RELCH: variants seen among roughly 807,000 people sequenced by gnomAD.
The protein encoded by RELCH is RAB11-binding protein RELCH.
RELCH carries 41 observed loss-of-function variants against 150.3 expected under a neutral mutation model. That is an observed-to-expected ratio of 0.27 (90% CI 0.21 to 0.35). RELCH has a LOEUF of 0.35. Among genes scored for constraint, RELCH ranks in the 10% least tolerant of loss-of-function variants. The pLI is 1.00. For missense variants in RELCH, 1,092 were observed against 1,467.8 expected (o/e 0.74, Z 4.18); for synonymous variants, 478 against 531.8 (o/e 0.90, Z 1.39).
chr18:62,298,523 G>A lies in RELCH; in HGVS notation c.3460-267G>A, dbSNP rs374560811. On this transcript the variant is annotated intron_variant, in intron 27 of 28. Coordinates refer to ENST00000644646, the MANE Select transcript of RELCH (RefSeq NM_001346231.2). Reference sequence around the variant, plus strand: ...TTTACTTTTAACATTAGAAGATGGTGAGTAAGCTAAGGGAGAATAGAAAAC... The same window carrying A: ...TTTACTTTTAACATTAGAAGATGGTAAGTAAGCTAAGGGAGAATAGAAAAC... Among the ~76,000 whole-genome samples, 432 of 152,284 alleles carry A rather than the reference G, an allele frequency of 2.8e-3. 3 individuals are homozygous for A. Among genetic ancestry groups the A allele is most frequent in the Non-Finnish European group, 5.3e-3 (359 of 68,024 alleles).
rs2044458409 is a variant in RELCH at position 62,280,547 on chromosome 18, A to C, written c.3051-99A>C. 3.2e-6 allele frequency: 4 copies of C among 1,269,310 alleles called. No individual in the cohort carries two copies. In the East Asian group the frequency reaches 9.3e-5, roughly 30 times the overall value. 78.6% of individuals were successfully genotyped at this position (1,269,310 alleles called of 1,614,324 possible). A position where few individuals can be genotyped will look rare whatever the true frequency, so the allele number is the denominator to read the frequency against. ...ATTTAATTTGTCATTGCTAGAGACT[A>C]ATACAGTATATTTACCTTGTACTTA... On this transcript the variant is annotated intron_variant, in intron 23 of 28. Transcript: ENST00000644646.
chr18:62,224,284 C>A (rs2041074045), intron 5 of RELCH, among the ~76,000 whole-genome samples: 1 of 150,814 alleles, frequency 6.6e-6, no homozygotes, highest in Non-Finnish European at 1.5e-5. Context: ...CATGTCCCTG[C>A]AAAGGACATG....
chr18:62,252,291 A>G (rs1298383288), intron 11 of RELCH, among the ~76,000 whole-genome samples: 1 of 151,176 alleles, frequency 6.6e-6, no homozygotes, highest in Non-Finnish European at 1.5e-5. Context: ...GAGCTACTGC[A>G]CCGGGCCAAA....
At chr18:62,199,141 C>A (rs1464752119) in intron 1 of RELCH, among the ~76,000 whole-genome samples, 1 of 150,684 alleles carries the variant, frequency 6.6e-6, no homozygotes, top group Non-Finnish European at 1.5e-5. Flanking sequence ...CTTGTCCTGT[C>A]TTCCATATTT....
chr18:62,238,138 A>G (rs1387067281), intron 10 of RELCH, among the ~76,000 whole-genome samples: 5 of 151,932 alleles, frequency 3.3e-5, no homozygotes. Flanking sequence ...TAACAGAAAT[A>G]TGTACCTCTT....
chr18:62,299,577 G>C (rs1480636303), intron 28 of RELCH, among the ~76,000 whole-genome samples: 1 of 152,090 alleles, frequency 6.6e-6, no homozygotes, highest in African/African-American at 2.4e-5. Context: ...TCTTTGATGT[G>C]TTAGAACCCT....
intron 2 of RELCH, among the ~76,000 whole-genome samples, chr18:62,219,324 T>C (rs945288998): frequency 1.8e-5 from 2 of 110,328 alleles, no homozygotes; most frequent in East Asian, 4.1e-4. Context: ...TTTCTTTTTT[T>C]CTTTTTTTTT....
chr18:62,261,499 C>A lies in RELCH; in HGVS notation c.2203-12C>A. 6.2e-7 allele frequency: 1 copy of A among 1,609,352 alleles called. No homozygotes were observed. Among genetic ancestry groups the A allele is most frequent in the Non-Finnish European group, 8.5e-7 (1 of 1,177,444 alleles). On this transcript the variant is annotated splice_polypyrimidine_tract_variant and intron_variant, in intron 15 of 28. Coordinates refer to ENST00000644646, the MANE Select transcript of RELCH (RefSeq NM_001346231.2). ...AAAGACTAAAATTAGCTTCCACCTC[C>A]TTATGTTTCAGGAAGGAGAACATGG... is the stretch of plus-strand genomic sequence containing the variant.
intron 28 of RELCH, among the ~76,000 whole-genome samples, chr18:62,299,329 G>C (rs569755053): frequency 1.3e-5 from 2 of 152,288 alleles, no homozygotes; most frequent in East Asian, 1.9e-4. Flanking sequence ...AAGCATAGAC[G>C]TGAAAGAGTA....
intron 1 of RELCH, among the ~76,000 whole-genome samples, chr18:62,204,159 C>T (rs2039633456): frequency 6.6e-6 from 1 of 151,958 alleles, no homozygotes; most frequent in Non-Finnish European, 1.5e-5. Context: ...TTTATCTAGT[C>T]TTCTATGTAC....
Position 62,228,590 on chromosome 18 carries a change from A to G in RELCH, c.1440A>G (p.Lys480=). 6.2e-7 allele frequency: 1 copy of G among 1,607,276 alleles called. No homozygotes were observed. Among genetic ancestry groups the G allele is most frequent in the Non-Finnish European group, 8.5e-7 (1 of 1,176,446 alleles). ...LSSKKTVHFD[K]PNRKLSPAFH... is the part of the protein sequence containing the mutation. ...GTAAAAAGACAGTTCATTTTGATAA[A>G]CCTAATAGGTTAGTATGCATCCTAT... Residue 480 remains lysine, a synonymous_variant, in exon 8 of 29, where the codon AAA becomes AAG. Transcript: ENST00000644646.
intron 18 of RELCH, among the ~76,000 whole-genome samples, chr18:62,265,262 A>C (rs2043492404): frequency 6.6e-6 from 1 of 152,058 alleles, no homozygotes. Flanking sequence ...AACCACAGCA[A>C]CTTATATATA....
At chr18:62,302,333 A>T (rs905236308) in intron 28 of RELCH, among the ~76,000 whole-genome samples, 1 of 152,206 alleles carries the variant, frequency 6.6e-6, no homozygotes, top group African/African-American at 2.4e-5. Context: ...ATGGGTGGTA[A>T]TTAAAGGCTT....
intron 28 of RELCH, among the ~76,000 whole-genome samples, chr18:62,299,681 C>T (rs1730109170): frequency 6.6e-6 from 1 of 152,078 alleles, no homozygotes; most frequent in Non-Finnish European, 1.5e-5. Context: ...TTCACATCTT[C>T]TATATTATTA....
At chr18:62,270,527 T>A (rs1293932924) in intron 20 of RELCH, among the ~76,000 whole-genome samples, 1 of 152,176 alleles carries the variant, frequency 6.6e-6, no homozygotes, top group Non-Finnish European at 1.5e-5. Flanking sequence ...AATGTAAGAA[T>A]GAAGAAGAAA....
intron 1 of RELCH, among the ~76,000 whole-genome samples, chr18:62,204,816 G>C (rs1261141275): frequency 6.6e-6 from 1 of 151,980 alleles, no homozygotes; most frequent in African/African-American, 2.4e-5. Flanking sequence ...TCTAGCTTTG[G>C]TTCAATTTCA....
intron 28 of RELCH, among the ~76,000 whole-genome samples, chr18:62,303,154 T>C (rs1326856162): frequency 6.7e-6 from 1 of 149,804 alleles, no homozygotes; most frequent in East Asian, 1.9e-4. Flanking sequence ...GGAATTGCTG[T>C]AATGCAATGA....
chr18:62,202,660 G>A (rs2039527615), intron 1 of RELCH, among the ~76,000 whole-genome samples: 1 of 152,098 alleles, frequency 6.6e-6, no homozygotes, highest in African/African-American at 2.4e-5. Flanking sequence ...TTGAATAAAT[G>A]AGTTCTTTAA....
intron 1 of RELCH, among the ~76,000 whole-genome samples, chr18:62,200,154 A>G (rs1307673287): frequency 1.3e-5 from 2 of 152,224 alleles, no homozygotes; most frequent in African/African-American, 4.8e-5. Flanking sequence ...TGTGACAAAG[A>G]GAAAAAGACA....
Sources: allele counts gnomAD v4.1 joint callset (sites outside exome capture counted in the v4.1 genomes callset), GRCh38; gene constraint gnomAD v4.1.1; transcripts MANE v1.5; gene names NCBI Gene and HGNC (gene_info 2026-07-23, HGNC 2026-07-21).